The following RPTOR variants were observed in gnomAD, a reference collection of about 807,000 sequenced individuals.
RPTOR encodes regulatory-associated protein of mTOR.
Under a neutral mutation model 169.9 loss-of-function variants are expected in RPTOR, and 21 were observed. That is an observed-to-expected ratio of 0.12 (90% CI 0.09 to 0.18). RPTOR has a LOEUF of 0.18. Among genes scored for constraint, RPTOR ranks in the 10% least tolerant of loss-of-function variants. The probability of loss-of-function intolerance (pLI) is 1.00; values close to 1 mark genes in which losing one functional copy is unlikely to be tolerated. For missense variants in RPTOR, 1,133 were observed against 1,855.9 expected, an observed-to-expected ratio of 0.61 and a Z score of 7.16; for synonymous variants, 732 against 753.2, an observed-to-expected ratio of 0.97 and a Z score of 0.46.
At chr17:80,598,246 C>A (rs946696449) in intron 1 of RPTOR, among the ~76,000 whole-genome samples, 6 of 152,060 alleles carry the variant, frequency 3.9e-5, no homozygotes, top group Admixed American at 3.9e-4. Context: ...CTATATGATG[C>A]CATTTCAACA....
chr17:80,581,608 T>C (rs2065014888), intron 1 of RPTOR, among the ~76,000 whole-genome samples: 1 of 150,478 alleles, frequency 6.6e-6, no homozygotes, highest in Non-Finnish European at 1.5e-5. Flanking sequence ...ATGCCTGCTA[T>C]TCTCTGCAGT....
intron 6 of RPTOR, among the ~76,000 whole-genome samples, chr17:80,777,606 G>T (rs1053863525): frequency 1.4e-4 from 21 of 151,656 alleles, no homozygotes; most frequent in Admixed American, 3.9e-4. Flanking sequence ...TTTTGGTAAA[G>T]TCCATCTTAT....
chr17:80,628,040 G>T (rs2065409791), intron 2 of RPTOR, among the ~76,000 whole-genome samples: 1 of 151,936 alleles, frequency 6.6e-6, no homozygotes, highest in South Asian at 2.1e-4. Flanking sequence ...ATTTCTCCAT[G>T]TTGGTCAGGC....
intron 24 of RPTOR, among the ~76,000 whole-genome samples, chr17:80,928,566 C>T (rs1478286530): frequency 4.6e-5 from 7 of 152,214 alleles, no homozygotes; most frequent in Non-Finnish European, 8.8e-5. Context: ...GTGGTAAGGA[C>T]AGCGTCTGCT....
chr17:80,689,390 C>T (rs1010054346), intron 3 of RPTOR, among the ~76,000 whole-genome samples: 1 of 152,258 alleles, frequency 6.6e-6, no homozygotes, highest in African/African-American at 2.4e-5. Context: ...TGCTCCCTGA[C>T]ATCCGTCTTT....
chr17:80,638,600 A>G (rs1431106546), intron 2 of RPTOR, among the ~76,000 whole-genome samples: 1 of 151,816 alleles, frequency 6.6e-6, no homozygotes. Flanking sequence ...ACGGGGTCTC[A>G]TTTTGTTGCC....
At chr17:80,558,555 T>A (rs1488437165) in intron 1 of RPTOR, among the ~76,000 whole-genome samples, 1 of 152,258 alleles carries the variant, frequency 6.6e-6, no homozygotes, top group Non-Finnish European at 1.5e-5. Flanking sequence ...TGAGCTTCCC[T>A]ATAGCCTTTG....
At chr17:80,607,688 G>A (rs1260714253) in intron 1 of RPTOR, among the ~76,000 whole-genome samples, 1 of 151,350 alleles carries the variant, frequency 6.6e-6, no homozygotes, top group Non-Finnish European at 1.5e-5. Context: ...AGAGAAATTT[G>A]GCCACAGTTT....
At chr17:80,751,625 C>T (rs936473323) in intron 5 of RPTOR, among the ~76,000 whole-genome samples, 3 of 152,158 alleles carry the variant, frequency 2.0e-5, no homozygotes, top group Non-Finnish European at 4.4e-5. Flanking sequence ...ACACATCTCA[C>T]CCCCACCCAT....
intron 6 of RPTOR, among the ~76,000 whole-genome samples, chr17:80,759,233 G>A (rs2066711051): frequency 6.6e-6 from 1 of 152,156 alleles, no homozygotes; most frequent in African/African-American, 2.4e-5. Flanking sequence ...TCTGAGGGCT[G>A]CTGGCCTCGT....
chr17:80,568,037 G>C (rs1164818830), intron 1 of RPTOR, among the ~76,000 whole-genome samples: 1 of 151,804 alleles, frequency 6.6e-6, no homozygotes. Flanking sequence ...CTCCCAAGAA[G>C]ATGGGACTAC....
intron 6 of RPTOR, among the ~76,000 whole-genome samples, chr17:80,759,680 T>C (rs193092976): frequency 1.4e-5 from 2 of 142,956 alleles, no homozygotes; most frequent in African/African-American, 2.5e-5. Flanking sequence ...ACCACCAGGG[T>C]TTTTTTTTTT....
intron 13 of RPTOR, among the ~76,000 whole-genome samples, chr17:80,867,424 C>T (rs867454076): frequency 4.1e-4 from 62 of 151,968 alleles, no homozygotes; most frequent in African/African-American, 1.5e-3. Context: ...TGACAAACAG[C>T]ATCTCCACAA....
intron 3 of RPTOR, among the ~76,000 whole-genome samples, chr17:80,673,070 G>C (rs1048687165): frequency 1.3e-5 from 2 of 152,056 alleles, no homozygotes; most frequent in African/African-American, 4.8e-5. Context: ...GGGATTATAG[G>C]CGTGTGCCAC....
intron 13 of RPTOR, among the ~76,000 whole-genome samples, chr17:80,880,063 A>C (rs187139217): frequency 1.3e-5 from 2 of 152,238 alleles, no homozygotes; most frequent in East Asian, 3.9e-4. Context: ...TGAGTGCTGG[A>C]TGGATGTGCT....
intron 11 of RPTOR, among the ~76,000 whole-genome samples, chr17:80,850,154 C>T (rs1282774256): frequency 6.6e-6 from 1 of 152,144 alleles, no homozygotes; most frequent in African/African-American, 2.4e-5. Flanking sequence ...TTTGGGTGAA[C>T]CTGCTACCCA....
intron 23 of RPTOR, among the ~76,000 whole-genome samples, chr17:80,925,021 C>T (rs1021328902): frequency 3.3e-5 from 5 of 152,222 alleles, no homozygotes; most frequent in South Asian, 2.1e-4. Flanking sequence ...TGGAACCAAG[C>T]GGCAGAGGCT....
chr17:80,619,074 C>A (rs553409362), intron 1 of RPTOR, among the ~76,000 whole-genome samples: 6 of 152,120 alleles, frequency 3.9e-5, no homozygotes, highest in Non-Finnish European at 8.8e-5. Flanking sequence ...CGGCTTTGCT[C>A]CGAGTTTCTG....
chr17:80,951,150 A>T (rs2333883), intron 28 of RPTOR, among the ~76,000 whole-genome samples: 3 of 148,874 alleles, frequency 2.0e-5, no homozygotes, highest in African/African-American at 7.5e-5. Flanking sequence ...GGCTGGCCCC[A>T]GGGTCCCTGA....
Sources: allele counts gnomAD v4.1 joint callset (sites outside exome capture counted in the v4.1 genomes callset), GRCh38; gene constraint gnomAD v4.1.1; transcripts MANE v1.5; gene names NCBI Gene and HGNC (gene_info 2026-07-23, HGNC 2026-07-21).